ST7L: variants seen among roughly 807,000 people sequenced by gnomAD.
ST7L encodes suppressor of tumorigenicity 7 protein-like.
In ST7L, 57 loss-of-function variants were observed where a neutral mutation model predicts 72.5. The observed-to-expected ratio is 0.79, with a 90% CI of 0.64 to 0.98. The LOEUF (loss-of-function observed/expected upper bound fraction) is 0.98. Ranked by LOEUF, ST7L falls within the 50% of genes least tolerant of loss-of-function variation. The pLI, the probability that ST7L is intolerant of heterozygous loss-of-function variation, is 0.00. For synonymous variants in ST7L, 221 were observed against 240.9 expected, an observed-to-expected ratio of 0.92 and a Z score of 0.77; for missense variants, 576 against 672.2, an observed-to-expected ratio of 0.86 and a Z score of 1.58.
Position 112,561,397 on chromosome 1 carries a change from A to AAC in ST7L, c.1246-5380_1246-5379insGT, listed in dbSNP as rs1553245327. On this transcript the variant is annotated intron_variant, in intron 11 of 14. Transcript: ENST00000358039. ...CTGCCTCAAAAAAAAAAAAAAAAAA[A>AAC]GACAATAATCTGATTTATGTTTGTC... 2.5e-3 allele frequency among the ~76,000 whole-genome samples: 376 copies of AAC among 150,978 alleles called. 4 individuals are homozygous for AAC. Among genetic ancestry groups the AAC allele is most frequent in the African/African-American group, 8.5e-3 (351 of 41,102 alleles).
intron 11 of ST7L, among the ~76,000 whole-genome samples, chr1:112,573,985 G>A (rs1662618513): frequency 7.0e-6 from 1 of 143,200 alleles, no homozygotes; most frequent in Admixed American, 7.0e-5. Flanking sequence ...TGCGATCTCG[G>A]CTCACTGCAA....
At chr1:112,578,466 A>C (rs985850463) in intron 9 of ST7L, 49 bp from the exon 10 acceptor site, 1 of 1,538,240 alleles carries the variant, frequency 6.5e-7, no homozygotes, top group Non-Finnish European at 9.0e-7. Context: ...AAAGGTATTG[A>C]GACAATTTTT....
intron 4 of ST7L, among the ~76,000 whole-genome samples, chr1:112,599,807 T>C (rs1667120522): frequency 6.6e-6 from 1 of 152,148 alleles, no homozygotes; most frequent in African/African-American, 2.4e-5. Flanking sequence ...CAATGTATAC[T>C]TATACGTATC....
chr1:112,563,258 T>G (rs1660470518), intron 11 of ST7L, among the ~76,000 whole-genome samples: 1 of 152,064 alleles, frequency 6.6e-6, no homozygotes, highest in African/African-American at 2.4e-5. Flanking sequence ...TAAGGGTTAA[T>G]GAGAGGATAA....
intron 5 of ST7L, among the ~76,000 whole-genome samples, chr1:112,596,090 T>C (rs1247424120): frequency 2.0e-5 from 3 of 152,190 alleles, no homozygotes; most frequent in South Asian, 2.1e-4. Context: ...AAAGTTAACA[T>C]ACAGTACTGA....
chr1:112,556,447 T>A (rs1036787701), intron 11 of ST7L, among the ~76,000 whole-genome samples: 1 of 152,200 alleles, frequency 6.6e-6, no homozygotes, highest in Non-Finnish European at 1.5e-5. Flanking sequence ...AAATCCAATT[T>A]TGGAACAATA....
At chr1:112,568,888 A>ATATG in intron 11 of ST7L, among the ~76,000 whole-genome samples, 1 of 132,176 alleles carries the variant, frequency 7.6e-6, no homozygotes, top group South Asian at 2.3e-4. Context: ...ATATATATAT[A>ATATG]AAACAAAAAT....
intron 3 of ST7L, among the ~76,000 whole-genome samples, chr1:112,604,861 G>A (rs1667961886): frequency 1.3e-5 from 2 of 150,292 alleles, no homozygotes; most frequent in African/African-American, 4.9e-5. Flanking sequence ...CAAGGCGGGT[G>A]GATCACCTGA....
At chr1:112,601,641 T>C (rs6691932) in intron 3 of ST7L, among the ~76,000 whole-genome samples, 76,217 of 151,950 alleles carry the variant, frequency 0.5, 19,532 homozygotes, top group East Asian at 0.65. Flanking sequence ...TTTGAACTGA[T>C]GTTGAATCAC....
intron 11 of ST7L, among the ~76,000 whole-genome samples, chr1:112,574,731 TAATA>T (rs2101807700): frequency 6.6e-6 from 1 of 151,966 alleles, no homozygotes; most frequent in Admixed American, 6.6e-5. Context: ...TAAACATAAT[TAATA>T]AATAAGAATA....
intron 2 of ST7L, among the ~76,000 whole-genome samples, chr1:112,611,933 G>T (rs1207452702): frequency 7.6e-6 from 1 of 132,266 alleles, no homozygotes; most frequent in African/African-American, 2.9e-5. Context: ...TTGCACCACT[G>T]CCCTCCAGCC....
chr1:112,553,326 T>C (rs6663922), intron 12 of ST7L, among the ~76,000 whole-genome samples: 45,664 of 151,864 alleles, frequency 0.3, 7,617 homozygotes, highest in African/African-American at 0.44. Flanking sequence ...GTGATCCTCC[T>C]GCCTCAGCCT....
intron 9 of ST7L, among the ~76,000 whole-genome samples, chr1:112,580,053 T>C (rs957459848): frequency 6.6e-6 from 1 of 152,224 alleles, no homozygotes; most frequent in Non-Finnish European, 1.5e-5. Context: ...AAACTTCTCT[T>C]TCCAAGTATA....
intron 9 of ST7L, among the ~76,000 whole-genome samples, chr1:112,581,278 C>T (rs1378394631): frequency 2.0e-5 from 3 of 152,150 alleles, no homozygotes; most frequent in African/African-American, 4.8e-5. Context: ...ACTATGTGCA[C>T]AGCACCCATA....
intron 11 of ST7L, among the ~76,000 whole-genome samples, chr1:112,569,307 G>A (rs1661651731): frequency 6.6e-6 from 1 of 152,130 alleles, no homozygotes; most frequent in African/African-American, 2.4e-5. Context: ...GTCAAAAAGT[G>A]AAACCAACCC....
intron 9 of ST7L, among the ~76,000 whole-genome samples, chr1:112,579,875 G>A (rs898260670): frequency 1.3e-5 from 2 of 152,052 alleles, no homozygotes; most frequent in African/African-American, 2.4e-5. Flanking sequence ...AATGAATCAG[G>A]TCCTATTCCA....
intron 13 of ST7L, among the ~76,000 whole-genome samples, chr1:112,543,348 G>A (rs1656486499): frequency 6.6e-6 from 1 of 152,128 alleles, no homozygotes; most frequent in African/African-American, 2.4e-5. Context: ...AGGAGATCGA[G>A]ACCATCCTGG....
At chr1:112,538,794 T>C (rs1219358867) in intron 14 of ST7L, among the ~76,000 whole-genome samples, 1 of 152,222 alleles carries the variant, frequency 6.6e-6, no homozygotes, top group East Asian at 1.9e-4. Flanking sequence ...GTGATGATGA[T>C]GACAATAAAG....
intron 3 of ST7L, among the ~76,000 whole-genome samples, chr1:112,602,083 C>CAAAAAAAAAAA (rs71584754): frequency 9.0e-5 from 8 of 89,050 alleles, no homozygotes; most frequent in Non-Finnish European, 1.4e-4. Flanking sequence ...AAACTCCATC[C>CAAAAAAAAAAA]AAAAAAAAAA....
Sources: gnomAD v4.1 joint callset for allele counts (sites outside exome capture counted in the v4.1 genomes callset) on GRCh38, gnomAD v4.1.1 for gene constraint, MANE v1.5 for transcripts, NCBI Gene and HGNC (gene_info 2026-07-23, HGNC 2026-07-21) for gene names.